CC2D2B: variants seen among roughly 807,000 people sequenced by gnomAD.
CC2D2B encodes the protein coiled-coil and C2 domain containing 2B.
A neutral mutation model predicts 161.2 loss-of-function variants in CC2D2B; 128 were observed. The ratio of observed to expected loss-of-function variants is 0.79; its 90% CI spans 0.69 to 0.92. The LOEUF (loss-of-function observed/expected upper bound fraction) is 0.92. Ranked by LOEUF, CC2D2B falls within the 40% of genes least tolerant of loss-of-function variation. The pLI is 0.00. For missense variants in CC2D2B, 1,173 were observed against 1,375.1 expected, an observed-to-expected ratio of 0.85 and a Z score of 2.32; for synonymous variants, 391 against 449.8, an observed-to-expected ratio of 0.87 and a Z score of 1.65.
At chr10:95,912,931 T>C (rs1344235180) in intron 2 of CC2D2B, among the ~76,000 whole-genome samples, 1 of 152,162 alleles carries the variant, frequency 6.6e-6, no homozygotes, top group Non-Finnish European at 1.5e-5. Flanking sequence ...GGGTTATTCA[T>C]TACCTCAAGC....
intron 22 of CC2D2B, 104 bp downstream of exon 22, chr10:95,992,801 C>A: frequency 1.5e-6 from 1 of 681,150 alleles, no homozygotes; most frequent in Non-Finnish European, 2.1e-6. Flanking sequence ...TGTTAATGCT[C>A]CATATACATA....
At chr10:95,944,831 G>A (rs1013030006) in intron 9 of CC2D2B, among the ~76,000 whole-genome samples, 1 of 152,158 alleles carries the variant, frequency 6.6e-6, no homozygotes, top group Non-Finnish European at 1.5e-5. Flanking sequence ...AAATGTAAAG[G>A]CCATCTCACC....
At chr10:95,931,612 T>C (rs1247611590) in intron 6 of CC2D2B, among the ~76,000 whole-genome samples, 1 of 152,202 alleles carries the variant, frequency 6.6e-6, no homozygotes, top group Admixed American at 6.5e-5. Context: ...AAATAACTTA[T>C]TTATTTCTGC....
intron 3 of CC2D2B, among the ~76,000 whole-genome samples, chr10:95,923,337 C>T (rs527700615): frequency 2.2e-4 from 34 of 152,294 alleles, no homozygotes; most frequent in East Asian, 3.9e-4. Flanking sequence ...CCTCCTGCCT[C>T]GGCCTCCCAA....
chr10:95,980,201 GGGAGGGAGGGAGGGAA>G (rs1475743674), intron 17 of CC2D2B, among the ~76,000 whole-genome samples: 5 of 151,884 alleles, frequency 3.3e-5, no homozygotes, highest in Non-Finnish European at 7.4e-5. Context: ...AAGAGAGGAA[GGGAGGGAGGGAGGGAA>G]GGAGGGAGGG....
intron 28 of CC2D2B, among the ~76,000 whole-genome samples, chr10:96,013,462 T>C (rs2079072730): frequency 6.6e-6 from 1 of 150,570 alleles, no homozygotes; most frequent in African/African-American, 2.4e-5. Flanking sequence ...TGGAAACATA[T>C]TATTGTAATA....
chr10:96,022,278 C>T (rs1175950646), intron 32 of CC2D2B, among the ~76,000 whole-genome samples: 1 of 152,068 alleles, frequency 6.6e-6, no homozygotes, highest in Non-Finnish European at 1.5e-5. Context: ...GCTGAAATTG[C>T]ACCACTGCAC....
chr10:96,032,750 C>G lies in CC2D2B; in HGVS notation c.*742C>G. On this transcript the variant is annotated 3_prime_UTR_variant, in exon 35 of 35. Coordinates refer to ENST00000646931, the MANE Select transcript of CC2D2B (RefSeq NM_001349008.3). ...TGCTACTGACATGAAATTCTTACAG[C>G]TCCATGTATTTGGAAGGAACTCCCA... 2.1e-6 allele frequency: 1 copy of G among 468,654 alleles called. No homozygotes were observed. The highest frequency in any genetic ancestry group is 1.6e-5 in the South Asian group (1 of 64,018). The allele number at this position is 468,654 out of a possible 1,614,324, so 29.0% of individuals were successfully genotyped here.
At chr10:95,929,701 G>A (rs1206616134) in intron 6 of CC2D2B, among the ~76,000 whole-genome samples, 2 of 152,124 alleles carry the variant, frequency 1.3e-5, no homozygotes, top group Non-Finnish European at 2.9e-5. Flanking sequence ...AGATCAGATG[G>A]TTGTAGATGT....
chr10:96,032,389 C>A lies in CC2D2B; in HGVS notation c.*381C>A. 1 of 197,494 alleles carries A rather than the reference C, an allele frequency of 5.1e-6. No homozygotes were observed. The allele number at this position is 197,494 out of a possible 1,614,324, so 12.2% of individuals were successfully genotyped here. ...CATCTGGAGAGCCTTGTTGAAAATG[C>A]AGATTACTAGATCCTCCTCAAGACC... On this transcript the variant is annotated 3_prime_UTR_variant, in exon 35 of 35. Transcript: ENST00000646931.
At chr10:95,986,843 C>T (rs1467454010) in intron 19 of CC2D2B, among the ~76,000 whole-genome samples, 1 of 152,020 alleles carries the variant, frequency 6.6e-6, no homozygotes, top group Non-Finnish European at 1.5e-5. Flanking sequence ...GTGATCCGCC[C>T]GCCTCGGCCT....
chr10:95,957,815 C>T (rs930365835), intron 11 of CC2D2B, among the ~76,000 whole-genome samples: 2 of 151,082 alleles, frequency 1.3e-5, no homozygotes, highest in Non-Finnish European at 2.9e-5. Flanking sequence ...CCTGCCTTGG[C>T]CTCCCAAATT....
intron 9 of CC2D2B, 135 bp downstream of exon 9, chr10:95,939,060 G>T (rs1310544063): frequency 2.2e-6 from 1 of 451,810 alleles, no homozygotes; most frequent in East Asian, 3.5e-5. Flanking sequence ...ATGATGAAAT[G>T]TTAAATAGCC....
chr10:95,924,427 T>C (rs2098534377), intron 4 of CC2D2B, 37 bp downstream of exon 4: 3 of 1,149,038 alleles, frequency 2.6e-6, no homozygotes, highest in Admixed American at 2.6e-5. Flanking sequence ...TCAAATTTAC[T>C]ATTTAAATGA....
At chr10:95,935,212 T>C (rs2075775101) in intron 6 of CC2D2B, among the ~76,000 whole-genome samples, 1 of 152,204 alleles carries the variant, frequency 6.6e-6, no homozygotes, top group Non-Finnish European at 1.5e-5. Flanking sequence ...TAAATGGCAA[T>C]TCCATTTTTC....
chr10:95,988,536 A>C (rs777033169), intron 20 of CC2D2B, among the ~76,000 whole-genome samples, 194 bp downstream of exon 20: 22 of 152,130 alleles, frequency 1.4e-4, no homozygotes, highest in Non-Finnish European at 3.1e-4. Flanking sequence ...TTGACAGTGA[A>C]CTCATTATTA....
At chr10:96,030,087 A>C (rs2080003249) in intron 34 of CC2D2B, among the ~76,000 whole-genome samples, 1 of 152,152 alleles carries the variant, frequency 6.6e-6, no homozygotes, top group East Asian at 1.9e-4. Context: ...TGCTGGGATT[A>C]CAGAATGAGC....
chr10:96,000,956 C>CT (rs1375824560), intron 24 of CC2D2B: 7 of 152,082 alleles, frequency 4.6e-5, no homozygotes, highest in African/African-American at 9.7e-5. Flanking sequence ...GTGAGGATAT[C>CT]TTTTTCAATA....
At chr10:96,025,172 T>A (rs868075542) in intron 33 of CC2D2B, among the ~76,000 whole-genome samples, 15 of 17,596 alleles carry the variant, frequency 8.5e-4, no homozygotes, top group African/African-American at 2.1e-3. Flanking sequence ...TATATATATA[T>A]ATATATATAT....
Sources: allele counts gnomAD v4.1 joint callset (sites outside exome capture counted in the v4.1 genomes callset), GRCh38; gene constraint gnomAD v4.1.1; transcripts MANE v1.5; gene names NCBI Gene and HGNC (gene_info 2026-07-23, HGNC 2026-07-21).